The following GARIN5B variants were observed in gnomAD, a reference collection of about 807,000 sequenced individuals.
GARIN5B encodes golgi associated RAB2 interactor family member 5B.
the GARIN5B span, chr19:55,358,124 A>G: frequency 6.9e-7 from 1 of 1,443,132 alleles, no homozygotes; most frequent in Non-Finnish European, 9.1e-7. Context: ...ACAGTAAATA[A>G]TAGCTGCTAA....
the GARIN5B span, chr19:55,362,971 C>T: frequency 1.3e-6 from 2 of 1,492,930 alleles, no homozygotes; most frequent in African/African-American, 1.4e-5. Context: ...GGTACTCGCC[C>T]TTCTGGAGGG....
the GARIN5B span, among the ~76,000 whole-genome samples, chr19:55,361,635 G>A: frequency 1.0e-4 from 7 of 69,756 alleles, no homozygotes; most frequent in African/African-American, 2.0e-4. Flanking sequence ...TCAGACCCAG[G>A]AGTCCAGGGC....
At chr19:55,355,309 C>A in the GARIN5B span, 1 of 1,550,116 alleles carries the variant, frequency 6.5e-7, no homozygotes, top group Non-Finnish European at 8.7e-7. Context: ...GTTAAGCCCC[C>A]GCATCCGGCC....
the GARIN5B span, chr19:55,359,358 G>A: frequency 1.9e-6 from 3 of 1,548,930 alleles, no homozygotes; most frequent in Non-Finnish European, 2.6e-6. Context: ...TGAGATGGGG[G>A]TGGGGTCTTC....
At chr19:55,361,780 A>AG in the GARIN5B span, among the ~76,000 whole-genome samples, 3 of 44,966 alleles carry the variant, frequency 6.7e-5, no homozygotes, top group African/African-American at 1.5e-4. Flanking sequence ...CCAGGAGTCC[A>AG]GACCCCACAG....
the GARIN5B span, chr19:55,355,327 G>A: frequency 2.6e-6 from 4 of 1,550,392 alleles, no homozygotes; most frequent in Admixed American, 5.9e-5. Context: ...GCCACTCGGA[G>A]TGCTGGGAGT....
At chr19:55,358,776 G>C in the GARIN5B span, 1 of 1,549,362 alleles carries the variant, frequency 6.5e-7, no homozygotes, top group African/African-American at 1.4e-5. Flanking sequence ...AGCTTGGTGA[G>C]GGTGAGCGCT....
the GARIN5B span, chr19:55,363,180 G>T: frequency 8.9e-7 from 1 of 1,117,516 alleles, no homozygotes; most frequent in Non-Finnish European, 1.2e-6. This position sits in a 1 kb window ranked among gnomAD's most constrained non-coding sequence, Gnocchi z 4.0. Flanking sequence ...CTGGAGCTCA[G>T]CGTTACAGAG....
the GARIN5B span, chr19:55,358,928 T>G: frequency 1.3e-6 from 2 of 1,551,122 alleles, no homozygotes; most frequent in East Asian, 2.4e-5. Flanking sequence ...CTTCGCCCAG[T>G]GGGCCCAGTC....
chr19:55,361,323 A>G, the GARIN5B span: 274 of 1,538,816 alleles, frequency 1.8e-4, no homozygotes, highest in African/African-American at 3.6e-3. Context: ...GGGCCCCACC[A>G]AGGAAGGGGG....
chr19:55,355,712 G>A, the GARIN5B span, among the ~76,000 whole-genome samples: 3 of 152,180 alleles, frequency 2.0e-5, no homozygotes, highest in Non-Finnish European at 4.4e-5. Context: ...CCGGCCAGGT[G>A]CGGTGGCTCA....
chr19:55,358,135 C>T, the GARIN5B span: 2 of 1,458,236 alleles, frequency 1.4e-6, no homozygotes, highest in Non-Finnish European at 1.8e-6. Flanking sequence ...TAGCTGCTAA[C>T]CCCCGCTACC....
At chr19:55,362,819 G>A in the GARIN5B span, 1 of 1,480,640 alleles carries the variant, frequency 6.8e-7, no homozygotes. Context: ...CCCCCACACA[G>A]TGACTGCTAA....
chr19:55,357,181 A>G, the GARIN5B span, among the ~76,000 whole-genome samples: 1 of 152,076 alleles, frequency 6.6e-6, no homozygotes, highest in South Asian at 2.1e-4. Flanking sequence ...CCTGTTATGG[A>G]CATTTCATGG....
At chr19:55,362,876 C>G in the GARIN5B span, 1 of 1,477,108 alleles carries the variant, frequency 6.8e-7, no homozygotes. Flanking sequence ...CCTTGCTTCC[C>G]CTCTGTCCCT....
At chr19:55,359,851 C>T in the GARIN5B span, 1 of 1,551,528 alleles carries the variant, frequency 6.4e-7, no homozygotes, top group South Asian at 1.2e-5. Flanking sequence ...CCTGATGCCA[C>T]AGGCACGGGT....
At chr19:55,362,567 G>T in the GARIN5B span, 3 of 1,535,424 alleles carry the variant, frequency 2.0e-6, no homozygotes, top group Middle Eastern at 1.9e-4. Context: ...AGGGGTTGGG[G>T]GATGCGGCAC....
At chr19:55,355,092 G>A in the GARIN5B span, 1 of 402,566 alleles carries the variant, frequency 2.5e-6, no homozygotes, top group South Asian at 2.2e-5. Flanking sequence ...AGAACCCTCG[G>A]GGCCTGTGGG....
chr19:55,360,220 C>G, the GARIN5B span, among the ~76,000 whole-genome samples: 1 of 130,148 alleles, frequency 7.7e-6, no homozygotes, highest in African/African-American at 3.1e-5. Context: ...CCCTCAGACT[C>G]AGGAGTCCAG....
Sources: gnomAD v4.1 joint callset for allele counts (sites outside exome capture counted in the v4.1 genomes callset) on GRCh38, gnomAD v4.1.1 for gene constraint, Gnocchi (gnomAD v3.1) non-coding constraint, MANE v1.5 for transcripts, NCBI Gene and HGNC (gene_info 2026-07-23, HGNC 2026-07-21) for gene names.